FOXJ3: variants seen among roughly 807,000 people sequenced by gnomAD.
FOXJ3 encodes forkhead box protein J3.
FOXJ3 carries 22 observed loss-of-function variants against 76.1 expected under a neutral mutation model. The observed-to-expected ratio is 0.29, with a 90% CI of 0.21 to 0.41. FOXJ3 has a LOEUF of 0.41. Among genes scored for constraint, FOXJ3 ranks in the 10% least tolerant of loss-of-function variants. The probability of loss-of-function intolerance (pLI) is 1.00; values close to 1 mark genes in which losing one functional copy is unlikely to be tolerated. For synonymous variants in FOXJ3, 269 were observed against 261.2 expected (o/e 1.03, Z -0.29); for missense variants, 613 against 762.1 (o/e 0.80, Z 2.30).
intron 8 of FOXJ3, 28 bp downstream of exon 8, chr1:42,194,862 T>C (rs1347625407): frequency 1.4e-6 from 2 of 1,475,992 alleles, no homozygotes; most frequent in Non-Finnish European, 1.8e-6. Flanking sequence ...TAAAACTTTG[T>C]TATAAAAAAG....
At chr1:42,200,475 T>C (rs545267424) in intron 6 of FOXJ3, among the ~76,000 whole-genome samples, 3 of 152,252 alleles carry the variant, frequency 2.0e-5, no homozygotes, top group South Asian at 4.1e-4. Context: ...TTCTTCAATA[T>C]TTTCTCTTTT....
intron 7 of FOXJ3, among the ~76,000 whole-genome samples, chr1:42,197,740 G>A (rs968598494): frequency 1.3e-5 from 2 of 151,226 alleles, no homozygotes; most frequent in Non-Finnish European, 2.9e-5. Flanking sequence ...GTGGAGTGAC[G>A]TGATTACTCC....
chr1:42,207,153 T>G (rs186063091), intron 5 of FOXJ3, among the ~76,000 whole-genome samples: 1 of 152,274 alleles, frequency 6.6e-6, no homozygotes, highest in African/African-American at 2.4e-5. Flanking sequence ...TAAGTGTATA[T>G]TTACATCCAT....
intron 4 of FOXJ3, among the ~76,000 whole-genome samples, chr1:42,249,160 T>G (rs1202032287): frequency 6.6e-6 from 1 of 152,224 alleles, no homozygotes; most frequent in African/African-American, 2.4e-5. Context: ...GCATTTGGGT[T>G]GATTCCATGT....
chr1:42,266,835 T>C (rs886678109), intron 3 of FOXJ3, among the ~76,000 whole-genome samples: 12 of 152,080 alleles, frequency 7.9e-5, no homozygotes, highest in South Asian at 2.1e-4. Flanking sequence ...CTGTCACCCA[T>C]AGGACTCTGG....
chr1:42,312,950 G>T (rs1485361701), intron 1 of FOXJ3, among the ~76,000 whole-genome samples: 1 of 152,190 alleles, frequency 6.6e-6, no homozygotes, highest in East Asian at 1.9e-4. Flanking sequence ...TTAGTGCTGG[G>T]AGGGGATCAG....
intron 2 of FOXJ3, 46 bp from the exon 3 acceptor site, chr1:42,278,718 T>TG (rs1202954636): frequency 7.4e-7 from 1 of 1,346,950 alleles, no homozygotes; most frequent in South Asian, 1.3e-5. Context: ...AAAGAACCCC[T>TG]GCTTCTCAAA....
intron 4 of FOXJ3, among the ~76,000 whole-genome samples, chr1:42,247,601 G>A (rs561040854): frequency 4.6e-5 from 7 of 152,086 alleles, no homozygotes; most frequent in Admixed American, 1.3e-4. Flanking sequence ...TTTTATACCC[G>A]CAAGGATGAC....
chr1:42,268,498 T>C (rs1272434197), intron 3 of FOXJ3, among the ~76,000 whole-genome samples: 1 of 151,654 alleles, frequency 6.6e-6, no homozygotes, highest in Non-Finnish European at 1.5e-5. Flanking sequence ...GTGCCGGAAA[T>C]GGTAAAAAAT....
intron 4 of FOXJ3, among the ~76,000 whole-genome samples, chr1:42,247,918 G>A (rs1457103935): frequency 1.3e-5 from 2 of 152,080 alleles, no homozygotes; most frequent in Non-Finnish European, 2.9e-5. Flanking sequence ...GTATCATTCT[G>A]GCATAAAAAG....
At chr1:42,223,735 T>C (rs1230175531) in intron 5 of FOXJ3, among the ~76,000 whole-genome samples, 2 of 152,244 alleles carry the variant, frequency 1.3e-5, no homozygotes, top group African/African-American at 4.8e-5. Context: ...TTATATATGT[T>C]TGAATTAATG....
intron 7 of FOXJ3, among the ~76,000 whole-genome samples, 199 bp downstream of exon 7, chr1:42,198,903 T>C (rs1646705033): frequency 6.6e-6 from 1 of 152,188 alleles, no homozygotes; most frequent in South Asian, 2.1e-4. Context: ...CACAACCATT[T>C]TTTAAAAATC....
rs1369435268 is a variant in FOXJ3 at position 42,199,161 on chromosome 1, C to T, written c.700G>A (p.Asp234Asn). ...PRSSLNNSLS[D>N]QSLASVNLNS... ...AAATTAACAGATGCCAAACTCTGGT[C>T]TGAGAGACTGTTGTTAAGGCTACTG... Residue 234 changes from aspartate to asparagine, a missense_variant, in exon 7 of 13, where the codon GAC (aspartate) becomes AAC (asparagine). By Grantham distance (23) the Asp-to-Asn change is conservative. Around this residue, in one of 3 missense-constraint regions of FOXJ3, gnomAD observed 526 missense variants for 601.4 expected, o/e 0.87. Coordinates refer to ENST00000361346, the MANE Select transcript of FOXJ3 (RefSeq NM_014947.5). 2 of 1,613,272 alleles carry T rather than the reference C, an allele frequency of 1.2e-6. No individual in the cohort carries two copies. The highest frequency in any genetic ancestry group is 8.5e-7 in the Non-Finnish European group (1 of 1,179,236).
intron 2 of FOXJ3, among the ~76,000 whole-genome samples, chr1:42,288,597 T>C (rs972078622): frequency 1.1e-4 from 16 of 152,340 alleles, no homozygotes; most frequent in African/African-American, 3.8e-4. Context: ...TAAGCTGCTA[T>C]ATGTGGTGTT....
intron 5 of FOXJ3, among the ~76,000 whole-genome samples, chr1:42,222,031 G>GAGAAGGAGA (rs1201354510): frequency 1.8e-4 from 1 of 5,672 alleles, no homozygotes; most frequent in African/African-American, 6.6e-4. Flanking sequence ...GGGGGAGGGG[G>GAGAAGGAGA]AGGAGAAGGA....
intron 11 of FOXJ3, among the ~76,000 whole-genome samples, chr1:42,182,988 T>C (rs1194823683): frequency 6.6e-6 from 1 of 151,292 alleles, no homozygotes; most frequent in East Asian, 2.0e-4. Context: ...AAAAACATTA[T>C]TCTGGGCAAG....
chr1:42,217,748 T>C (rs999940547), intron 5 of FOXJ3, among the ~76,000 whole-genome samples: 5 of 152,060 alleles, frequency 3.3e-5, no homozygotes, highest in Non-Finnish European at 7.4e-5. Flanking sequence ...GGGACAAGAG[T>C]TGAGTGAATT....
intron 4 of FOXJ3, among the ~76,000 whole-genome samples, chr1:42,245,179 A>C (rs1484632422): frequency 6.6e-6 from 1 of 152,000 alleles, no homozygotes; most frequent in Non-Finnish European, 1.5e-5. Context: ...AAAAAAAAAA[A>C]AAAAAACAAG....
intron 2 of FOXJ3, among the ~76,000 whole-genome samples, chr1:42,300,188 A>G (rs953025958): frequency 6.6e-5 from 10 of 152,116 alleles, no homozygotes; most frequent in Admixed American, 2.0e-4. Flanking sequence ...TAATGGAGCA[A>G]GACTCTGTCT....
Sources: allele counts gnomAD v4.1 joint callset (sites outside exome capture counted in the v4.1 genomes callset), GRCh38; gene constraint gnomAD v4.1.1; regional missense constraint gnomAD v4.1.1; transcripts MANE v1.5; gene names NCBI Gene and HGNC (gene_info 2026-07-23, HGNC 2026-07-21).